Variants in TRAF3 observed in about 807,000 individuals in gnomAD.
TRAF3 encodes TNF receptor-associated factor 3.
A neutral mutation model predicts 62.3 loss-of-function variants in TRAF3; 13 were observed. The observed-to-expected ratio is 0.21, with a 90% CI of 0.14 to 0.33. TRAF3 has a LOEUF of 0.33. TRAF3 is among the 10% of genes least tolerant of loss of function. The pLI, the probability that TRAF3 is intolerant of heterozygous loss-of-function variation, is 1.00. For synonymous variants in TRAF3, 269 were observed against 283.4 expected, an observed-to-expected ratio of 0.95 and a Z score of 0.51; for missense variants, 440 against 741.8, an observed-to-expected ratio of 0.59 and a Z score of 4.73.
At chr14:102,882,277 T>C (rs1374594748) in intron 6 of TRAF3, among the ~76,000 whole-genome samples, 2 of 152,226 alleles carry the variant, frequency 1.3e-5, no homozygotes, top group African/African-American at 4.8e-5. Context: ...GTGCAAACAT[T>C]CCTTATAAAT....
intron 7 of TRAF3, among the ~76,000 whole-genome samples, chr14:102,888,816 C>A (rs1030842951): frequency 1.3e-5 from 2 of 152,200 alleles, no homozygotes; most frequent in Non-Finnish European, 2.9e-5. Flanking sequence ...GTAATCCTTT[C>A]CATTCCCTTT....
At chr14:102,809,644 T>C (rs903078731) in intron 1 of TRAF3, among the ~76,000 whole-genome samples, 1 of 150,944 alleles carries the variant, frequency 6.6e-6, no homozygotes, top group Non-Finnish European at 1.5e-5. Flanking sequence ...GCTATTCTCC[T>C]GTCTGTCTCC....
chr14:102,880,130 T>G (rs1035916848), intron 6 of TRAF3, among the ~76,000 whole-genome samples: 7 of 152,110 alleles, frequency 4.6e-5, no homozygotes, highest in African/African-American at 1.2e-4. Context: ...AAAAGAACTT[T>G]TAAGAACTGT....
At chr14:102,866,104 AAGAATGAGTTCATG>A (rs1271968307) in intron 2 of TRAF3, 1 of 152,282 alleles carries the variant, frequency 6.6e-6, no homozygotes, top group East Asian at 1.9e-4. Flanking sequence ...AGCCATAAAA[AAGAATGAGTTCATG>A]ACCTTTGCAG....
chr14:102,817,118 G>T (rs1899584706), intron 1 of TRAF3, among the ~76,000 whole-genome samples: 1 of 152,144 alleles, frequency 6.6e-6, no homozygotes, highest in Admixed American at 6.5e-5. Flanking sequence ...GGTTTGAGAT[G>T]CCTTTTTGAT....
intron 2 of TRAF3, among the ~76,000 whole-genome samples, chr14:102,858,168 T>C (rs1341154939): frequency 1.4e-5 from 2 of 147,278 alleles, no homozygotes; most frequent in Admixed American, 6.8e-5. Flanking sequence ...TTTTTTTTTT[T>C]CTTGAGACAG....
rs892952721 is a variant in TRAF3, at chr14:102,889,716, A to G, written c.726+82A>G. ...TATTATATTAACATTTTAACATGCA[A>G]GCTCTGGACTCCTTATTCTTTGTCA... On this transcript the variant is annotated intron_variant, in intron 8 of 11. Transcript: ENST00000392745. 10 of 1,486,606 alleles carry G rather than the reference A, an allele frequency of 6.7e-6. No homozygotes were observed. In the African/African-American group the frequency reaches 8.3e-5, roughly 12 times the overall value. The allele number at this position is 1,486,606 out of a possible 1,614,324, so 92.1% of individuals were successfully genotyped here. A position where few individuals can be genotyped will look rare whatever the true frequency, so the allele number is the denominator to read the frequency against.
chr14:102,867,262 A>G (rs1309439213), intron 2 of TRAF3, among the ~76,000 whole-genome samples: 1 of 152,214 alleles, frequency 6.6e-6, no homozygotes, highest in Non-Finnish European at 1.5e-5. Context: ...TAAATATCCT[A>G]GGCTTTGTGG....
At chr14:102,790,217 A>G (rs577279113) in intron 1 of TRAF3, among the ~76,000 whole-genome samples, 2 of 152,242 alleles carry the variant, frequency 1.3e-5, no homozygotes, top group South Asian at 2.1e-4. Context: ...AGGAGTCCCA[A>G]TTCATTCTTT....
chr14:102,818,275 G>A (rs35471408), intron 1 of TRAF3, among the ~76,000 whole-genome samples: 39,456 of 152,018 alleles, frequency 0.26, 5,645 homozygotes, highest in South Asian at 0.44. Flanking sequence ...AAGCTGTTTG[G>A]CCTCTTTCCC....
chr14:102,860,156 A>G (rs1165077042), intron 2 of TRAF3, among the ~76,000 whole-genome samples: 8 of 152,230 alleles, frequency 5.3e-5, no homozygotes. Flanking sequence ...ATCCAGACAC[A>G]CAAAGATCCA....
chr14:102,851,848 TTGGCGAGACCTACCTGGGCAACA>T (rs1887062482), intron 2 of TRAF3, among the ~76,000 whole-genome samples: 1 of 151,928 alleles, frequency 6.6e-6, no homozygotes, highest in Admixed American at 6.6e-5. Context: ...CTGGGCCACA[TTGGCGAGACCTACCTGGGCAACA>T]TGGCGAGACC....
At chr14:102,829,650 G>A (rs528676652) in intron 1 of TRAF3, among the ~76,000 whole-genome samples, 2 of 152,284 alleles carry the variant, frequency 1.3e-5, no homozygotes, top group East Asian at 3.9e-4. Context: ...GCTTGTTTCC[G>A]GTAACACTTG....
intron 1 of TRAF3, among the ~76,000 whole-genome samples, chr14:102,830,105 G>T (rs1324543306): frequency 6.6e-6 from 1 of 152,240 alleles, no homozygotes; most frequent in Non-Finnish European, 1.5e-5. Flanking sequence ...TTGGAGCCTG[G>T]TGGTTGCTGC....
intron 2 of TRAF3, among the ~76,000 whole-genome samples, chr14:102,844,094 A>G (rs1258124573): frequency 6.6e-6 from 1 of 152,270 alleles, no homozygotes; most frequent in Non-Finnish European, 1.5e-5. Context: ...GTTTAGATTT[A>G]AACAAATGTA....
chr14:102,908,142 C>T lies in TRAF3; in HGVS notation c.*2358C>T, dbSNP rs907287966. 1 of 152,308 alleles carries T rather than the reference C, an allele frequency of 6.6e-6. No homozygotes were observed. The highest frequency in any genetic ancestry group is 1.5e-5 in the Non-Finnish European group (1 of 68,084). 9.4% of individuals were successfully genotyped at this position (152,308 alleles called of 1,614,324 possible). A position where few individuals can be genotyped will look rare whatever the true frequency, so the allele number is the denominator to read the frequency against. ...TCTGGGTTGAAGTCCTGGTGTGGCC[C>T]CCAGAAGCAGCAGTGCGTGTCACTG... On this transcript the variant is annotated 3_prime_UTR_variant, in exon 12 of 12. Coordinates refer to ENST00000392745, the MANE Select transcript of TRAF3 (RefSeq NM_145725.3).
intron 4 of TRAF3, among the ~76,000 whole-genome samples, chr14:102,874,981 CT>C (rs1316261271): frequency 1.3e-5 from 2 of 152,130 alleles, no homozygotes; most frequent in South Asian, 4.1e-4. Flanking sequence ...AAAGGGAAAT[CT>C]TTTCATTATT....
At chr14:102,805,065 A>G (rs1452422914) in intron 1 of TRAF3, among the ~76,000 whole-genome samples, 1 of 152,172 alleles carries the variant, frequency 6.6e-6, no homozygotes, top group Non-Finnish European at 1.5e-5. Context: ...ACTTGCCTTC[A>G]GTTTTCTTTC....
At position 102,777,477 on chromosome 14, in the gene TRAF3, G is replaced by C. The variant is rs1028086489; in HGVS notation, c.-355G>C. 1.0e-4 allele frequency: 15 copies of C among 144,518 alleles called. No individual in the cohort carries two copies. The highest frequency in any genetic ancestry group is 3.7e-4 in the African/African-American group (15 of 40,354). 9.0% of individuals were successfully genotyped at this position (144,518 alleles called of 1,614,324 possible). On this transcript the variant is annotated 5_prime_UTR_variant, in exon 1 of 12. Coordinates refer to ENST00000392745, the MANE Select transcript of TRAF3 (RefSeq NM_145725.3). ...GGGCTGCGTGAGGGAGCGAGGGAGCGAGGGAGCGCGGCGCGGCCGCCGCGT... is the reference window on the plus strand; with the variant it reads ...GGGCTGCGTGAGGGAGCGAGGGAGCCAGGGAGCGCGGCGCGGCCGCCGCGT...
Sources: gnomAD v4.1 joint callset for allele counts (sites outside exome capture counted in the v4.1 genomes callset) on GRCh38, gnomAD v4.1.1 for gene constraint, MANE v1.5 for transcripts, NCBI Gene and HGNC (gene_info 2026-07-23, HGNC 2026-07-21) for gene names.